The following LRPPRC variants were observed in gnomAD, a reference collection of about 807,000 sequenced individuals.
The protein encoded by LRPPRC is leucine rich pentatricopeptide repeat containing.
In LRPPRC, 120 loss-of-function variants were observed where a neutral mutation model predicts 180.3. The ratio of observed to expected loss-of-function variants is 0.67; its 90% confidence interval spans 0.57 to 0.77. The LOEUF is 0.77. LRPPRC is among the 30% of genes least tolerant of loss of function. The pLI is 0.00. For synonymous variants in LRPPRC, 723 were observed against 600.0 expected, an observed-to-expected ratio of 1.21 and a Z score of -3.00; for missense variants, 2,012 against 1,657.2, an observed-to-expected ratio of 1.21 and a Z score of -3.72.
chr2:43,943,757 T>C lies in LRPPRC; in HGVS notation c.2434A>G (p.Ile812Val), dbSNP rs1672574814. The change falls in exon 23 of 38, where the codon ATC becomes GTC. Residue 812 changes from isoleucine (I) to valine (V), a missense_variant. Ile to Val is a conservative substitution (Grantham distance 29). Transcript: ENST00000260665. The stretch of plus-strand genomic sequence containing the variant: ...GGTTCTGCTAACCCTAGAGTCACGA[T>C]GGCTTCATGCAACTGTTTTACTGTT... ...IETVKQLHEAIVTLGLAEPST... is the reference protein window; with the variant it reads ...IETVKQLHEAVVTLGLAEPST... 1.2e-6 allele frequency: 2 copies of C among 1,613,618 alleles called. No homozygotes were observed. Among genetic ancestry groups the C allele is most frequent in the Non-Finnish European group, 1.7e-6 (2 of 1,179,520 alleles).
chr2:43,889,601 CCA>C, intron 37 of LRPPRC, 131 bp downstream of exon 37: 1 of 795,396 alleles, frequency 1.3e-6, no homozygotes, highest in Middle Eastern at 2.3e-4. Flanking sequence ...GTCCCTCAAG[CCA>C]TCCCCTGAGG....
At chr2:43,963,510 T>C (rs1673434815) in intron 12 of LRPPRC, 78 bp downstream of exon 12, 1 of 941,500 alleles carries the variant, frequency 1.1e-6, no homozygotes, top group African/African-American at 1.6e-5. Flanking sequence ...TCAATGACTT[T>C]TTTGTGTGTC....
rs1034440304 is a variant in LRPPRC at position 43,948,173 on chromosome 2, G to A, written c.1869C>T (p.Tyr623=). ...KMNVKIPENI[Y]RGIRNLLESY... is the part of the protein sequence containing the mutation. ...TTTCCAGGAGATTACGAATGCCTCT[G>A]TAGATATTTTCAGGAATTTTTACAT... The change falls in exon 18 of 38, where the codon TAC becomes TAT. Residue 623 remains tyrosine, a synonymous_variant. Transcript: ENST00000260665. The A allele has an allele frequency of 3.9e-5, 62 of 1,606,266 alleles. No individual in the cohort carries two copies. The highest frequency in any genetic ancestry group is 4.9e-5 in the Non-Finnish European group (58 of 1,173,112).
At chr2:43,985,135 C>G (rs979535983) in intron 1 of LRPPRC, among the ~76,000 whole-genome samples, 1 of 150,654 alleles carries the variant, frequency 6.6e-6, no homozygotes, top group Non-Finnish European at 1.5e-5. Flanking sequence ...TACTTTTAAG[C>G]ATGTACCATT....
chr2:43,981,488 G>A (rs1013772446), intron 2 of LRPPRC, among the ~76,000 whole-genome samples: 9 of 151,948 alleles, frequency 5.9e-5, no homozygotes, highest in South Asian at 2.1e-4. Context: ...GTGAAACCCC[G>A]TCCCTACTAA....
At chr2:43,956,265 A>G (rs1269488763) in intron 14 of LRPPRC, among the ~76,000 whole-genome samples, 1 of 152,234 alleles carries the variant, frequency 6.6e-6, no homozygotes, top group Non-Finnish European at 1.5e-5. Flanking sequence ...CCTCAGTCAA[A>G]AAGTGAAACA....
intron 27 of LRPPRC, among the ~76,000 whole-genome samples, chr2:43,920,684 T>TAA (rs71393214): frequency 1.2e-4 from 17 of 146,936 alleles, no homozygotes; most frequent in South Asian, 6.5e-4. Context: ...TTATTTGATT[T>TAA]AAAAAAAAAA....
In LRPPRC at chr2:43,988,387, T is replaced by C. The variant is rs11886911; in HGVS notation, c.150-5953A>G. Among the ~76,000 whole-genome samples the C allele has an allele frequency of 7.6e-3, 1,151 of 151,934 alleles. 4 individuals are homozygous for C. Among genetic ancestry groups the C allele is most frequent in the Non-Finnish European group, 0.013 (875 of 67,970 alleles). On this transcript the variant is annotated intron_variant, in intron 1 of 37. Transcript: ENST00000260665. ...CCCCATCTCTACTAAAAATACAAAC[T>C]TAGCCAGGCATGGTGGCGCATGCCT... is the stretch of plus-strand genomic sequence containing the variant.
intron 27 of LRPPRC, among the ~76,000 whole-genome samples, chr2:43,921,400 C>T (rs999102196): frequency 2.0e-5 from 3 of 151,908 alleles, no homozygotes; most frequent in Non-Finnish European, 4.4e-5. Flanking sequence ...AGTTAAGATT[C>T]GTATTAAAAG....
rs879179048 is a variant in LRPPRC, at chr2:43,943,956, T to C, written c.2297-62A>G. ...TCATGTAGGGAAAACAAACTGCTATTAAAACAGCATTTCAAGCCCAGCAGG... is the reference window on the plus strand; with the variant it reads ...TCATGTAGGGAAAACAAACTGCTATCAAAACAGCATTTCAAGCCCAGCAGG... On this transcript the variant is annotated intron_variant, in intron 22 of 37. Coordinates refer to ENST00000260665, the MANE Select transcript of LRPPRC (RefSeq NM_133259.4). 1.1e-4 allele frequency: 128 copies of C among 1,171,118 alleles called. 1 individual carries two copies. In the South Asian group the frequency reaches 1.5e-3, roughly 14 times the overall value. The allele number at this position is 1,171,118 out of a possible 1,614,324, so 72.5% of individuals were successfully genotyped here.
intron 36 of LRPPRC, among the ~76,000 whole-genome samples, chr2:43,893,077 G>T (rs1329795117): frequency 6.6e-6 from 1 of 152,198 alleles, no homozygotes. Flanking sequence ...AAGACAACTA[G>T]AAGGAGAAGT....
chr2:43,911,992 C>T (rs951874055), intron 30 of LRPPRC, among the ~76,000 whole-genome samples: 2 of 152,044 alleles, frequency 1.3e-5, no homozygotes, highest in African/African-American at 4.8e-5. Flanking sequence ...GGAAGAAGAA[C>T]TAAGGATCAG....
chr2:43,975,846 G>A (rs1231687801), intron 6 of LRPPRC, among the ~76,000 whole-genome samples: 4 of 151,960 alleles, frequency 2.6e-5, no homozygotes, highest in African/African-American at 9.7e-5. Flanking sequence ...GCCTCCCAAA[G>A]TGCTGGGATT....
At chr2:43,919,858 G>T (rs1049292181) in intron 27 of LRPPRC, among the ~76,000 whole-genome samples, 12 of 151,838 alleles carry the variant, frequency 7.9e-5, no homozygotes, top group African/African-American at 2.9e-4. Flanking sequence ...CCAGCTCTAG[G>T]AAGGAGGGGT....
chr2:43,949,629 A>C lies in LRPPRC; in HGVS notation c.1708T>G (p.Tyr570Asp). 1 of 1,614,014 alleles carries C rather than the reference A, an allele frequency of 6.2e-7. No homozygotes were observed. The highest frequency in any genetic ancestry group is 8.5e-7 in the Non-Finnish European group (1 of 1,179,904). Residue 570 changes from tyrosine to aspartate, a missense_variant, in exon 16 of 38, where the codon TAT becomes GAT. Tyr to Asp is a radical substitution (Grantham distance 160, BLOSUM62 -3). Coordinates refer to ENST00000260665, the MANE Select transcript of LRPPRC (RefSeq NM_133259.4). Reference sequence around the variant, plus strand: ...GTCGGTCCTCGAGGCTCCTGGCAATAACGTCCATCCTTGTACAACAATTCT... The same window carrying C: ...GTCGGTCCTCGAGGCTCCTGGCAATCACGTCCATCCTTGTACAACAATTCT... ...ITELLYKDGR[Y>D]CQEPRGPTEA...
chr2:43,995,896 G>C lies in LRPPRC; in HGVS notation c.52C>G (p.Pro18Ala). Reference protein sequence around the residue: ...ARWLLRAGAAPRLPLSLRLLP... With the variant: ...ARWLLRAGAAARLPLSLRLLP... ...AGGCGCAGGGAGAGCGGGAGGCGCG[G>C]GGCCGCCCCGGCACGCAGCAACCAA... The change falls in exon 1 of 38, where the codon CCG (proline) becomes GCG (alanine). Residue 18 changes from proline to alanine, a missense_variant. Coordinates refer to ENST00000260665, the MANE Select transcript of LRPPRC (RefSeq NM_133259.4). 6.6e-7 allele frequency: 1 copy of C among 1,512,020 alleles called. No individual in the cohort carries two copies. The highest frequency in any genetic ancestry group is 8.8e-7 in the Non-Finnish European group (1 of 1,137,860). The allele number at this position is 1,512,020 out of a possible 1,614,324, so 93.7% of individuals were successfully genotyped here.
At chr2:43,952,751 G>A (rs1188540431) in intron 14 of LRPPRC, among the ~76,000 whole-genome samples, 4 of 152,106 alleles carry the variant, frequency 2.6e-5, no homozygotes, top group African/African-American at 9.7e-5. Context: ...AATTTGGTAA[G>A]GCGATGTAAA....
At position 43,950,596 on chromosome 2, in the gene LRPPRC, T is replaced by G; in HGVS notation, c.1654A>C (p.Met552Leu). 1 of 1,613,550 alleles carries G rather than the reference T, an allele frequency of 6.2e-7. No homozygotes were observed. The highest frequency in any genetic ancestry group is 1.1e-5 in the South Asian group (1 of 91,054). The change falls in exon 15 of 38, where the codon ATG becomes CTG. Residue 552 changes from methionine (M) to leucine (L), a missense_variant. Coordinates refer to ENST00000260665, the MANE Select transcript of LRPPRC (RefSeq NM_133259.4). ...ACCTCGCTCCAAAGATTTATATTCA[T>G]AGACCTGCAGAGGGCAGCAAAGGAT... ...SSLLLGFRRS[M>L]NINLWSEITE... is the part of the protein sequence containing the mutation.
At position 43,946,146 on chromosome 2, in the gene LRPPRC, T is replaced by G; in HGVS notation, c.2177A>C (p.Lys726Thr). 6.2e-7 allele frequency: 1 copy of G among 1,612,654 alleles called. No homozygotes were observed. The highest frequency in any genetic ancestry group is 8.5e-7 in the Non-Finnish European group (1 of 1,178,866). Residue 726 changes from lysine to threonine, a missense_variant, in exon 21 of 38, where the codon AAA becomes ACA. Transcript: ENST00000260665. Reference sequence around the variant, plus strand: ...TTTCAAGTTCAAGGCATCTTCTACTTTATCATGTCGACAGCATAAATTTAT... The same window carrying G: ...TTTCAAGTTCAAGGCATCTTCTACTGTATCATGTCGACAGCATAAATTTAT... ...ALINLCCRHD[K>T]VEDALNLKEE...
Sources: gnomAD v4.1 joint callset for allele counts (sites outside exome capture counted in the v4.1 genomes callset) on GRCh38, gnomAD v4.1.1 for gene constraint, MANE v1.5 for transcripts, NCBI Gene and HGNC (gene_info 2026-07-23, HGNC 2026-07-21) for gene names.